Variants in ADRA1A observed in about 807,000 individuals in gnomAD.
ADRA1A encodes alpha-1A adrenergic receptor.
ADRA1A carries 31 observed loss-of-function variants against 29.6 expected under a neutral mutation model. The ratio of observed to expected loss-of-function variants is 1.05; its 90% CI spans 0.79 to 1.41. ADRA1A has a LOEUF of 1.41. Among genes scored for constraint, ADRA1A ranks in the 40% most tolerant of loss-of-function variants. The probability of loss-of-function intolerance (pLI) is 0.00; values close to 1 mark genes in which losing one functional copy is unlikely to be tolerated. For synonymous variants in ADRA1A, 311 were observed against 254.3 expected (o/e 1.22, Z -2.12); for missense variants, 619 against 601.1 (o/e 1.03, Z -0.31).
At chr8:26,761,540 C>T (rs746647482), downstream of ADRA1A, among the ~76,000 whole-genome samples, 5 of 152,164 alleles carry the variant, frequency 3.3e-5, no homozygotes, top group Non-Finnish European at 7.4e-5. Flanking sequence ...CAGAGAAATG[C>T]AGAGGAAAGA....
At chr8:26,778,146 G>A (rs1284556615) in intron 2 of ADRA1A, among the ~76,000 whole-genome samples, 1 of 152,160 alleles carries the variant, frequency 6.6e-6, no homozygotes, top group African/African-American at 2.4e-5. Flanking sequence ...AGTTAACAAA[G>A]CCTAAGAAGC....
At position 26,823,325 on chromosome 8, in the gene ADRA1A, T is replaced by C. The variant is rs60214466; in HGVS notation, c.883+40762A>G. ...CTGGGCATGGGCGGTGACTTCCATC[T>C]GCTTCCTCATGGAGCACAGCCTCAC... On this transcript the variant is annotated intron_variant, in intron 2 of 2. Coordinates refer to ENST00000380573, the MANE Select transcript of ADRA1A (RefSeq NM_000680.4). This position sits in a 1 kb window ranked among gnomAD's most constrained non-coding sequence, Gnocchi z 4.2. Among the ~76,000 whole-genome samples, 14,040 of 152,122 alleles carry C rather than the reference T, an allele frequency of 0.092. 1,259 individuals are homozygous for C. Among genetic ancestry groups the C allele is most frequent in the East Asian group, 0.37 (1,892 of 5,168 alleles).
intron 2 of ADRA1A, among the ~76,000 whole-genome samples, chr8:26,846,255 T>C (rs1011870206): frequency 1.3e-5 from 2 of 152,224 alleles, no homozygotes; most frequent in Non-Finnish European, 2.9e-5. Context: ...TAATAATTGA[T>C]GTCTGCTTTA....
chr8:26,858,689 G>A (rs1288277415), intron 2 of ADRA1A, among the ~76,000 whole-genome samples: 4 of 152,120 alleles, frequency 2.6e-5, no homozygotes, highest in African/African-American at 7.2e-5. Context: ...CTTCTCTTTC[G>A]TAGGTTGAAG....
intron 2 of ADRA1A, among the ~76,000 whole-genome samples, chr8:26,818,304 T>C (rs1809905141): frequency 6.6e-6 from 1 of 152,206 alleles, no homozygotes; most frequent in African/African-American, 2.4e-5. Flanking sequence ...AGATAAATTT[T>C]AGTCTATATA....
intron 2 of ADRA1A, among the ~76,000 whole-genome samples, chr8:26,858,382 A>C (rs1813198875): frequency 6.6e-6 from 1 of 152,246 alleles, no homozygotes; most frequent in South Asian, 2.1e-4. Context: ...CCCTCATGGC[A>C]ACATCTGCAT....
At chr8:26,803,398 CTT>C (rs1188812556) in intron 2 of ADRA1A, among the ~76,000 whole-genome samples, 1 of 152,100 alleles carries the variant, frequency 6.6e-6, no homozygotes, top group African/African-American at 2.4e-5. Flanking sequence ...AAAGATGACT[CTT>C]GAACTATACT....
chr8:26,864,362 A>C lies in ADRA1A; in HGVS notation c.608T>G (p.Met203Arg), dbSNP rs1291020451. Residue 203 changes from methionine (M) to arginine (R), a missense_variant, in exon 2 of 3, where the codon ATG becomes AGG. Transcript: ENST00000380573. The surrounding 1 kb of genome is among the most constrained non-coding windows in gnomAD (Gnocchi z 8.1). ...FYLPLAIILV[M>R]YCRVYVVAKR... ...GGCCACCACGTAGACGCGGCAGTACATGACCAGGATGATGGCCAGAGGCAG... is the reference window on the plus strand; with the variant it reads ...GGCCACCACGTAGACGCGGCAGTACCTGACCAGGATGATGGCCAGAGGCAG... 1.2e-6 allele frequency: 2 copies of C among 1,613,992 alleles called. No individual in the cohort carries two copies. Among genetic ancestry groups the C allele is most frequent in the South Asian group, 1.1e-5 (1 of 91,076 alleles).
intron 2 of ADRA1A, among the ~76,000 whole-genome samples, chr8:26,857,110 C>G (rs560534370): frequency 1.3e-3 from 192 of 152,192 alleles, no homozygotes; most frequent in African/African-American, 4.3e-3. Context: ...GATGCTGGAC[C>G]AGGTGTGAGC....
intron 2 of ADRA1A, among the ~76,000 whole-genome samples, chr8:26,861,493 T>G (rs542583234): frequency 1.3e-5 from 2 of 152,182 alleles, no homozygotes; most frequent in African/African-American, 4.8e-5. Flanking sequence ...ATCTTTTCTC[T>G]TGTCAACCTC....
intron 2 of ADRA1A, among the ~76,000 whole-genome samples, chr8:26,851,323 T>C (rs1453811897): frequency 1.3e-5 from 2 of 152,032 alleles, no homozygotes; most frequent in African/African-American, 2.4e-5. Flanking sequence ...TTATGTCTAG[T>C]AAAATTAAAA....
chr8:26,768,701 T>A (rs1805926963), downstream of ADRA1A: 1 of 171,992 alleles, frequency 5.8e-6, no homozygotes, highest in South Asian at 1.9e-4. Context: ...TTGGGTCCCA[T>A]CCCAGAGATA....
chr8:26,773,903 C>A (rs1455483905), intron 2 of ADRA1A, among the ~76,000 whole-genome samples: 1 of 152,156 alleles, frequency 6.6e-6, no homozygotes, highest in Non-Finnish European at 1.5e-5. Flanking sequence ...CCTGGCCTCC[C>A]CCTCTCTGTA....
intron 2 of ADRA1A, among the ~76,000 whole-genome samples, chr8:26,818,146 C>A (rs962032862): frequency 6.6e-6 from 1 of 152,188 alleles, no homozygotes; most frequent in African/African-American, 2.4e-5. Context: ...AGAAAGAAAA[C>A]TCAGTGGTTG....
Position 26,815,648 on chromosome 8 carries a change from T to C in ADRA1A, c.884-44982A>G, listed in dbSNP as rs946393113. ...GGAACCTGATCAGTCTCAGCCTGGA[T>C]ACTGTTTGTGGGAGAGAAAGGTCTC... is the stretch of plus-strand genomic sequence containing the variant. On this transcript the variant is annotated intron_variant, in intron 2 of 2. Transcript: ENST00000380573. This position sits in a 1 kb window ranked among gnomAD's most constrained non-coding sequence, Gnocchi z 4.2. Among the ~76,000 whole-genome samples, 3 of 152,178 alleles carry C rather than the reference T, an allele frequency of 2.0e-5. No homozygotes were observed. Among genetic ancestry groups the C allele is most frequent in the African/African-American group, 7.2e-5 (3 of 41,440 alleles).
chr8:26,757,668 C>T (rs1281380596), intron 2 of ADRA1A, among the ~76,000 whole-genome samples: 1 of 152,122 alleles, frequency 6.6e-6, no homozygotes, highest in Non-Finnish European at 1.5e-5. Flanking sequence ...GTCAAAACGA[C>T]CTCTGTTCAT....
Position 26,867,141 on chromosome 8 carries a change from T to C in ADRA1A, c.-892A>G. 1.0e-6 allele frequency: 1 copy of C among 985,424 alleles called. No homozygotes were observed. Among genetic ancestry groups the C allele is most frequent in the Non-Finnish European group, 1.2e-6 (1 of 829,934 alleles). 61.0% of individuals were successfully genotyped at this position (985,424 alleles called of 1,614,324 possible). A position where few individuals can be genotyped will look rare whatever the true frequency, so the allele number is the denominator to read the frequency against. The stretch of plus-strand genomic sequence containing the variant: ...CTGAACCGCTGTCACTTTACCTGCA[T>C]TTTTTAAAAAGAGTCAAAATAAGAA... On this transcript the variant is annotated 5_prime_UTR_variant, in exon 1 of 3. An upstream start codon of the reference 5' UTR is lost. Transcript: ENST00000380573.
intron 2 of ADRA1A, among the ~76,000 whole-genome samples, chr8:26,782,782 T>C (rs1325110732): frequency 6.6e-6 from 1 of 152,116 alleles, no homozygotes; most frequent in Admixed American, 6.6e-5. Context: ...TTACCAGACA[T>C]CCCTCCTGAT....
chr8:26,798,595 G>A (rs1808349147), intron 2 of ADRA1A, among the ~76,000 whole-genome samples: 1 of 152,100 alleles, frequency 6.6e-6, no homozygotes. Context: ...TTTAATGCAT[G>A]TGCATGGGAA....
Sources: gnomAD v4.1 joint callset for allele counts (sites outside exome capture counted in the v4.1 genomes callset) on GRCh38, gnomAD v4.1.1 for gene constraint, Gnocchi (gnomAD v3.1) non-coding constraint, MANE v1.5 for transcripts, NCBI Gene and HGNC (gene_info 2026-07-23, HGNC 2026-07-21) for gene names.